CDH8: variants seen among roughly 807,000 people sequenced by gnomAD.
The protein encoded by CDH8 is cadherin 8.
CDH8 carries 17 observed loss-of-function variants against 68.1 expected under a neutral mutation model. The ratio of observed to expected loss-of-function variants is 0.25; its 90% CI spans 0.17 to 0.37. The LOEUF (loss-of-function observed/expected upper bound fraction) is 0.37, where lower values mean the gene tolerates loss of function less well. CDH8 is among the 10% of genes least tolerant of loss of function. The pLI, the probability that CDH8 is intolerant of heterozygous loss-of-function variation, is 1.00. For synonymous variants in CDH8, 372 were observed against 365.1 expected (o/e 1.02, Z -0.21); for missense variants, 763 against 999.3 (o/e 0.76, Z 3.19).
At chr16:61,710,651 T>G (rs762140179) in intron 10 of CDH8, 3 of 151,986 alleles carry the variant, frequency 2.0e-5, no homozygotes, top group Non-Finnish European at 4.4e-5. Context: ...AGATTTGTAT[T>G]TTCTCTCATT....
chr16:61,915,786 G>A (rs1283321939), intron 2 of CDH8, among the ~76,000 whole-genome samples: 2 of 152,140 alleles, frequency 1.3e-5, no homozygotes, highest in East Asian at 3.9e-4. Context: ...GTGGAGAAGA[G>A]GCTAAGGATT....
intron 10 of CDH8, among the ~76,000 whole-genome samples, chr16:61,684,035 C>T (rs751488912): frequency 7.2e-5 from 11 of 152,124 alleles, no homozygotes; most frequent in Non-Finnish European, 1.0e-4. Flanking sequence ...AATATTTGCT[C>T]GCCATTGCAC....
At chr16:61,771,802 A>G (rs1960785691) in intron 8 of CDH8, among the ~76,000 whole-genome samples, 1 of 152,010 alleles carries the variant, frequency 6.6e-6, no homozygotes, top group Non-Finnish European at 1.5e-5. Flanking sequence ...TAAGAAATAA[A>G]TTATATAGGT....
intron 8 of CDH8, among the ~76,000 whole-genome samples, chr16:61,763,302 A>G (rs1483033785): frequency 6.6e-6 from 1 of 152,298 alleles, no homozygotes; most frequent in Non-Finnish European, 1.5e-5. Context: ...AATAGATACC[A>G]GTATTCACTC....
chr16:61,911,303 C>T (rs767162633), intron 2 of CDH8, among the ~76,000 whole-genome samples: 3 of 151,926 alleles, frequency 2.0e-5, no homozygotes, highest in Middle Eastern at 3.2e-3. Context: ...AGTAATAAAG[C>T]GATTACTAAC....
chr16:61,667,216 G>A (rs968019687), intron 10 of CDH8: 1 of 151,530 alleles, frequency 6.6e-6, no homozygotes, highest in Non-Finnish European at 1.5e-5. Flanking sequence ...CCATTTTTTT[G>A]GAGTGTTGAC....
intron 4 of CDH8, among the ~76,000 whole-genome samples, chr16:61,855,128 C>T (rs768819537): frequency 3.9e-5 from 6 of 152,120 alleles, no homozygotes; most frequent in African/African-American, 7.2e-5. Flanking sequence ...CTCCATTACA[C>T]TATCCACGAT....
At chr16:61,847,538 TTA>T (rs56946081) in intron 4 of CDH8, among the ~76,000 whole-genome samples, 5,214 of 136,582 alleles carry the variant, frequency 0.038, 139 homozygotes, top group African/African-American at 0.068. Context: ...TCCAATCATT[TTA>T]TATATATATA....
intron 3 of CDH8, among the ~76,000 whole-genome samples, chr16:61,879,117 C>T (rs1050430231): frequency 3.3e-5 from 5 of 152,084 alleles, no homozygotes; most frequent in African/African-American, 1.2e-4. Flanking sequence ...TTAGTTTCCT[C>T]GAAGGTAGGC....
chr16:61,961,912 A>C (rs927711691), intron 2 of CDH8, among the ~76,000 whole-genome samples: 2 of 152,200 alleles, frequency 1.3e-5, no homozygotes, highest in Non-Finnish European at 2.9e-5. Flanking sequence ...TTTACTTACA[A>C]CTTTGACTCC....
intron 2 of CDH8, among the ~76,000 whole-genome samples, chr16:61,972,571 G>GTGT (rs1965358072): frequency 5.3e-5 from 7 of 131,468 alleles, no homozygotes; most frequent in Admixed American, 1.6e-4. Context: ...ACACATTGTG[G>GTGT]GTGTGTGTGT....
At chr16:61,971,294 TCAGTCACAATCCC>T (rs1356192663) in intron 2 of CDH8, among the ~76,000 whole-genome samples, 1 of 152,122 alleles carries the variant, frequency 6.6e-6, no homozygotes, top group Non-Finnish European at 1.5e-5. Context: ...ACTTCAGATG[TCAGTCACAATCCC>T]CAGGCTGTTT....
At chr16:61,677,695 A>C (rs1379813358) in intron 10 of CDH8, among the ~76,000 whole-genome samples, 1 of 152,044 alleles carries the variant, frequency 6.6e-6, no homozygotes, top group African/African-American at 2.4e-5. Flanking sequence ...TCCCAGCTGC[A>C]GTCTACATTT....
intron 1 of CDH8, among the ~76,000 whole-genome samples, chr16:62,026,853 T>G (rs1317768489): frequency 2.0e-5 from 3 of 152,234 alleles, no homozygotes; most frequent in Non-Finnish European, 4.4e-5. Flanking sequence ...ACTGTCCTCT[T>G]AGAACATCAG....
chr16:61,914,216 C>T (rs538522924), intron 2 of CDH8, among the ~76,000 whole-genome samples: 106 of 152,270 alleles, frequency 7.0e-4, no homozygotes, highest in Non-Finnish European at 8.8e-4. Flanking sequence ...TCCAGCACCA[C>T]GAGAAAATAA....
intron 2 of CDH8, among the ~76,000 whole-genome samples, chr16:61,999,734 T>C (rs1965862224): frequency 6.6e-6 from 1 of 152,042 alleles, no homozygotes; most frequent in South Asian, 2.1e-4. Context: ...TTGTGCTCAC[T>C]GGGGCATGAA....
chr16:61,984,407 A>G (rs556427074), intron 2 of CDH8, among the ~76,000 whole-genome samples: 1 of 151,968 alleles, frequency 6.6e-6, no homozygotes, highest in South Asian at 2.1e-4. Context: ...TGTATGTTAC[A>G]GAGAAACACG....
At chr16:61,677,805 C>T (rs1424487242) in intron 10 of CDH8, among the ~76,000 whole-genome samples, 1 of 151,966 alleles carries the variant, frequency 6.6e-6, no homozygotes, top group Non-Finnish European at 1.5e-5. Context: ...TTGGCCAGGG[C>T]ACTCCAAAAT....
intron 3 of CDH8, among the ~76,000 whole-genome samples, chr16:61,874,930 CA>C (rs1243775120): frequency 9.2e-5 from 14 of 152,098 alleles, no homozygotes; most frequent in Non-Finnish European, 1.9e-4. Context: ...TCTGTTTTTG[CA>C]AGACAGAGTG....
Sources: allele counts gnomAD v4.1 joint callset (sites outside exome capture counted in the v4.1 genomes callset), GRCh38; gene constraint gnomAD v4.1.1; transcripts MANE v1.5; gene names NCBI Gene and HGNC (gene_info 2026-07-23, HGNC 2026-07-21).